KLHL14: variants seen among roughly 807,000 people sequenced by gnomAD.
The protein encoded by KLHL14 is kelch-like protein 14.
In KLHL14, 22 loss-of-function variants were observed where a neutral mutation model predicts 64.3. The observed-to-expected ratio is 0.34, with a 90% CI of 0.24 to 0.49. The LOEUF (loss-of-function observed/expected upper bound fraction) is 0.49, where lower values mean the gene tolerates loss of function less well. Ranked by LOEUF, KLHL14 falls within the 20% of genes least tolerant of loss-of-function variation. KLHL14 has a pLI of 0.99. For synonymous variants in KLHL14, 322 were observed against 333.4 expected (o/e 0.97, Z 0.37); for missense variants, 661 against 789.0 (o/e 0.84, Z 1.94).
intron 5 of KLHL14, among the ~76,000 whole-genome samples, chr18:32,685,063 C>T (rs986558168): frequency 1.3e-5 from 2 of 151,912 alleles, no homozygotes; most frequent in African/African-American, 4.8e-5. Flanking sequence ...CTTCTTTTAC[C>T]AGGGACCTGA....
intron 2 of KLHL14, among the ~76,000 whole-genome samples, chr18:32,768,432 C>CACACACACA: frequency 6.9e-6 from 1 of 145,958 alleles, no homozygotes; most frequent in East Asian, 2.0e-4. Flanking sequence ...CACACACACA[C>CACACACACA]CATTTAATTC....
At chr18:32,695,610 C>A in intron 3 of KLHL14, 58 bp from the exon 4 acceptor site, 1 of 1,049,498 alleles carries the variant, frequency 9.5e-7, no homozygotes, top group East Asian at 2.5e-5. Flanking sequence ...GATTTGCTAC[C>A]TTGGCTCACT....
intron 1 of KLHL14, chr18:32,772,134 G>T: frequency 3.8e-6 from 1 of 265,698 alleles, no homozygotes. Context: ...GCCCGGGGGA[G>T]AGCCGCCGCC....
At chr18:32,682,123 A>G (rs1002930213) in intron 5 of KLHL14, among the ~76,000 whole-genome samples, 2 of 152,212 alleles carry the variant, frequency 1.3e-5, no homozygotes, top group African/African-American at 4.8e-5. Context: ...AACATTTCCT[A>G]ATAATGTTTA....
intron 4 of KLHL14, among the ~76,000 whole-genome samples, chr18:32,691,984 T>C (rs1223024765): frequency 6.6e-6 from 1 of 152,178 alleles, no homozygotes; most frequent in Non-Finnish European, 1.5e-5. Context: ...CTATGAGCAG[T>C]TGTTTTGGGA....
At chr18:32,675,775 T>G (rs1482884951) in intron 8 of KLHL14, among the ~76,000 whole-genome samples, 3 of 152,186 alleles carry the variant, frequency 2.0e-5, no homozygotes, top group African/African-American at 7.2e-5. Flanking sequence ...CCCCAATGTC[T>G]GCTTCCAAAC....
intron 3 of KLHL14, among the ~76,000 whole-genome samples, chr18:32,739,107 G>A (rs151183334): frequency 6.6e-6 from 1 of 152,152 alleles, no homozygotes; most frequent in East Asian, 1.9e-4. Context: ...GTGTCTGCTA[G>A]TTAGTTTGCA....
intron 4 of KLHL14, 54 bp from the exon 5 acceptor site, chr18:32,687,287 C>T: frequency 1.5e-6 from 2 of 1,365,518 alleles, no homozygotes; most frequent in Admixed American, 1.7e-5. Context: ...TTGATTTGCA[C>T]ATGTAGTAGT....
intron 3 of KLHL14, chr18:32,734,138 A>G (rs1205315179): frequency 5.7e-6 from 4 of 702,618 alleles, no homozygotes; most frequent in Non-Finnish European, 1.0e-5. Flanking sequence ...TAGTAGTATA[A>G]TTATGATAGT....
At chr18:32,720,008 A>G (rs1464566725) in intron 3 of KLHL14, among the ~76,000 whole-genome samples, 1 of 152,210 alleles carries the variant, frequency 6.6e-6, no homozygotes, top group South Asian at 2.1e-4. Flanking sequence ...TCGTATTTGT[A>G]TCCAAAATTC....
intron 4 of KLHL14, among the ~76,000 whole-genome samples, chr18:32,691,438 G>T (rs928378530): frequency 3.9e-5 from 6 of 152,280 alleles, no homozygotes; most frequent in African/African-American, 1.4e-4. Flanking sequence ...CAGCTACTCA[G>T]GAGGCTAAGG....
intron 8 of KLHL14, among the ~76,000 whole-genome samples, chr18:32,675,620 A>C (rs1366953893): frequency 6.6e-6 from 1 of 152,174 alleles, no homozygotes; most frequent in Non-Finnish European, 1.5e-5. Flanking sequence ...ATGAGAAATA[A>C]AATGTCCTTA....
chr18:32,760,395 T>C (rs1337771655), intron 2 of KLHL14, among the ~76,000 whole-genome samples: 1 of 150,682 alleles, frequency 6.6e-6, no homozygotes, highest in Non-Finnish European at 1.5e-5. Context: ...CACATCCATC[T>C]TTCCATATTT....
chr18:32,690,242 C>T (rs563027719), intron 4 of KLHL14, among the ~76,000 whole-genome samples: 46 of 152,186 alleles, frequency 3.0e-4, no homozygotes, highest in Admixed American at 1.0e-3. Flanking sequence ...TGGATTACTG[C>T]CACATAAAGA....
intron 3 of KLHL14, among the ~76,000 whole-genome samples, chr18:32,720,096 GC>G (rs1385033710): frequency 1.3e-5 from 2 of 152,198 alleles, no homozygotes; most frequent in East Asian, 3.8e-4. Context: ...ATGAGCACTG[GC>G]CTGGGTGTCA....
intron 3 of KLHL14, among the ~76,000 whole-genome samples, chr18:32,708,900 A>G (rs985526925): frequency 1.3e-5 from 2 of 152,176 alleles, no homozygotes; most frequent in South Asian, 4.1e-4. Flanking sequence ...TTAGGCCAGT[A>G]CTGCCCTGCC....
chr18:32,731,162 T>G (rs536356472), intron 3 of KLHL14, among the ~76,000 whole-genome samples: 1 of 152,360 alleles, frequency 6.6e-6, no homozygotes, highest in African/African-American at 2.4e-5. Context: ...TGGCTGGCTA[T>G]TCCTAAAATG....
intron 2 of KLHL14, chr18:32,743,286 T>C (rs1424067878): frequency 6.6e-6 from 1 of 152,244 alleles, no homozygotes; most frequent in African/African-American, 2.4e-5. Flanking sequence ...TGATTACATA[T>C]TCAGCTCGTT....
chr18:32,700,557 A>G (rs1380455981), intron 3 of KLHL14, among the ~76,000 whole-genome samples: 1 of 152,152 alleles, frequency 6.6e-6, no homozygotes, highest in Non-Finnish European at 1.5e-5. Context: ...TACTGTAGAC[A>G]TACTGTTTAG....
Sources: allele counts gnomAD v4.1 joint callset (sites outside exome capture counted in the v4.1 genomes callset), GRCh38; gene constraint gnomAD v4.1.1; transcripts MANE v1.5; gene names NCBI Gene and HGNC (gene_info 2026-07-23, HGNC 2026-07-21).